CR2: variants seen among roughly 807,000 people sequenced by gnomAD.
CR2 encodes complement C3d receptor 2.
In CR2, 96 loss-of-function variants were observed where a neutral mutation model predicts 123.0. The observed-to-expected ratio is 0.78, with a 90% CI of 0.66 to 0.93. The LOEUF (loss-of-function observed/expected upper bound fraction) is 0.93, where lower values mean the gene tolerates loss of function less well. Among genes scored for constraint, CR2 ranks in the 40% least tolerant of loss-of-function variants. CR2 has a pLI of 0.00. For missense variants in CR2, 1,258 were observed against 1,361.0 expected (o/e 0.92, Z 1.19); for synonymous variants, 484 against 469.5 (o/e 1.03, Z -0.40).
Position 207,476,089 on chromosome 1 carries a change from G to C in CR2, c.2717-145G>C, listed in dbSNP as rs143926411. On this transcript the variant is annotated intron_variant, in intron 14 of 19. Transcript: ENST00000367057. Reference sequence around the variant, plus strand: ...TGCAGATCTCCATCCAGTGTTGCTGGTCTGGGTGGAATGAATGAATGTTTT... The same window carrying C: ...TGCAGATCTCCATCCAGTGTTGCTGCTCTGGGTGGAATGAATGAATGTTTT... 1.6e-3 allele frequency: 1,200 copies of C among 742,290 alleles called. 9 individuals carry two copies. The African/African-American group carries it at 0.018, about 11-fold the overall frequency. 46.0% of individuals were successfully genotyped at this position (742,290 alleles called of 1,614,324 possible).
chr1:207,468,959 A>T (rs1337928998), intron 4 of CR2, 60 bp downstream of exon 4: 1 of 1,567,248 alleles, frequency 6.4e-7, no homozygotes, highest in African/African-American at 1.3e-5. Flanking sequence ...CGTGGTGTGG[A>T]CTGTGAAACC....
chr1:207,473,227 CTTGT>C, intron 10 of CR2, 48 bp downstream of exon 10: 2 of 1,602,068 alleles, frequency 1.2e-6, no homozygotes, highest in Non-Finnish European at 1.7e-6. Flanking sequence ...CTTAATTATT[CTTGT>C]TTATTATCTC....
intron 2 of CR2, among the ~76,000 whole-genome samples, chr1:207,467,280 AAAT>A (rs1658128982): frequency 6.6e-6 from 1 of 152,016 alleles, no homozygotes; most frequent in Non-Finnish European, 1.5e-5. Flanking sequence ...CTTATAGCAA[AAAT>A]ACACCCAATG....
intron 1 of CR2, among the ~76,000 whole-genome samples, chr1:207,465,663 T>A (rs1327155704): frequency 1.3e-5 from 2 of 152,238 alleles, no homozygotes; most frequent in African/African-American, 2.4e-5. Flanking sequence ...AGACCTCCTC[T>A]TGGAGCCAAA....
chr1:207,468,587 A>C lies in CR2; in HGVS notation c.506A>C (p.Asn169Thr). 2 of 1,614,052 alleles carry C rather than the reference A, an allele frequency of 1.2e-6. No homozygotes were observed. The highest frequency in any genetic ancestry group is 1.7e-6 in the Non-Finnish European group (2 of 1,179,964). ...CACAATGGACATCACACAAGTGAGAATGTTGGCTCCATTGCTCCAGGATTG... is the reference window on the plus strand; with the variant it reads ...CACAATGGACATCACACAAGTGAGACTGTTGGCTCCATTGCTCCAGGATTG... ...MIHNGHHTSE[N>T]VGSIAPGLSV... is the part of the protein sequence containing the mutation. The change falls in exon 3 of 20, where the codon AAT becomes ACT. Residue 169 changes from asparagine to threonine, a missense_variant. By Grantham distance (65) the Asn-to-Thr change is moderately conservative. Transcript: ENST00000367057.
At chr1:207,487,859 T>C (rs1658791323) in intron 19 of CR2, among the ~76,000 whole-genome samples, 2 of 152,092 alleles carry the variant, frequency 1.3e-5, no homozygotes, top group Admixed American at 1.3e-4. Flanking sequence ...TGAAGGCAGG[T>C]TGGGAGCTGT....
Position 207,473,663 on chromosome 1 carries a change from C to G in CR2, c.2097C>G (p.Asn699Lys), listed in dbSNP as rs867287660. The G allele has an allele frequency of 6.2e-7, 1 of 1,614,022 alleles. No individual in the cohort carries two copies. Among genetic ancestry groups the G allele is most frequent in the South Asian group, 1.1e-5 (1 of 91,084 alleles). ...TCDPGYLLVG[N>K]KSIHCMPSGN... ...ACCCTGGCTATTTGCTTGTGGGAAACAAATCCATTCACTGTATGCCTTCAG... is the reference window on the plus strand; with the variant it reads ...ACCCTGGCTATTTGCTTGTGGGAAAGAAATCCATTCACTGTATGCCTTCAG... The change falls in exon 11 of 20, where the codon AAC becomes AAG. Residue 699 changes from asparagine (N) to lysine (K), a missense_variant. Physicochemically the swap from Asn to Lys is moderately conservative, Grantham distance 94. Coordinates refer to ENST00000367057, the MANE Select transcript of CR2 (RefSeq NM_001006658.3).
chr1:207,474,699 C>T, intron 13 of CR2, 125 bp from the exon 14 acceptor site: 1 of 1,104,568 alleles, frequency 9.1e-7, no homozygotes, highest in Non-Finnish European at 1.4e-6. Context: ...ATCCATATTC[C>T]AAAATTTAAG....
rs1313015820 is a variant in CR2, at chr1:207,473,292, C to T, written c.1978+113C>T. 16 of 1,290,134 alleles carry T rather than the reference C, an allele frequency of 1.2e-5. No homozygotes were observed. The East Asian group carries it at 3.9e-4, about 32-fold the overall frequency. The allele number at this position is 1,290,134 out of a possible 1,614,324, so 79.9% of individuals were successfully genotyped here. A position where few individuals can be genotyped will look rare whatever the true frequency, so the allele number is the denominator to read the frequency against. On this transcript the variant is annotated intron_variant, in intron 10 of 19. Transcript: ENST00000367057. ...AGGCAAGAGGGGCACAGATTACTTT[C>T]TGTTTCTTCCATCCTATAATAGATG... is the stretch of plus-strand genomic sequence containing the variant.
intron 16 of CR2, among the ~76,000 whole-genome samples, chr1:207,478,603 T>C (rs1658513916): frequency 6.6e-6 from 1 of 150,530 alleles, no homozygotes; most frequent in African/African-American, 2.4e-5. Flanking sequence ...AAACACAACT[T>C]TCTTAGGATG....
chr1:207,486,420 G>T (rs1356020958), intron 19 of CR2, among the ~76,000 whole-genome samples: 1 of 152,108 alleles, frequency 6.6e-6, no homozygotes, highest in African/African-American at 2.4e-5. Flanking sequence ...ATGTGGGCGA[G>T]AGGATGATCG....
intron 8 of CR2, 44 bp downstream of exon 8, chr1:207,471,131 G>C: frequency 6.4e-7 from 1 of 1,558,342 alleles, no homozygotes; most frequent in South Asian, 1.1e-5. Context: ...CGGTGTATCA[G>C]CACACACTGC....
chr1:207,468,859 C>G lies in CR2; in HGVS notation c.694C>G (p.Leu232Val). ...PNGKVKEPPI[L>V]RVGVTANFFC... ...TGGGAAGGTAAAGGAGCCTCCAATTCTCCGGGTTGGTGTAACTGCAAACTT... is the reference window on the plus strand; with the variant it reads ...TGGGAAGGTAAAGGAGCCTCCAATTGTCCGGGTTGGTGTAACTGCAAACTT... The change falls in exon 4 of 20, where the codon CTC (leucine) becomes GTC (valine). Residue 232 changes from leucine (L) to valine (V), a missense_variant. Leu to Val is a conservative substitution (Grantham distance 32). Coordinates refer to ENST00000367057, the MANE Select transcript of CR2 (RefSeq NM_001006658.3). The G allele has an allele frequency of 6.2e-7, 1 of 1,614,000 alleles. No individual in the cohort carries two copies.
chr1:207,454,821 GCGCTACCGCT>G lies in CR2; in HGVS notation c.58+349_58+358del, dbSNP rs1657794096. ...CTCATCGCTCTCTGGCCGGCGGTCA[GCGCTACCGCT>G]CGCCACGGGAAACCTACCCACTGCA... On this transcript the variant is annotated intron_variant, in intron 1 of 19. Transcript: ENST00000367057. The surrounding 1 kb of genome is among the most constrained non-coding windows in gnomAD (Gnocchi z 4.3). 3.7e-6 allele frequency: 1 copy of G among 272,242 alleles called. No homozygotes were observed. The highest frequency in any genetic ancestry group is 7.0e-6 in the Non-Finnish European group (1 of 143,144). The allele number at this position is 272,242 out of a possible 1,614,324, so 16.9% of individuals were successfully genotyped here. A position where few individuals can be genotyped will look rare whatever the true frequency, so the allele number is the denominator to read the frequency against.
At chr1:207,472,401 A>C in intron 9 of CR2, among the ~76,000 whole-genome samples, 1 of 152,220 alleles carries the variant, frequency 6.6e-6, no homozygotes. Context: ...TCAGCTAGCC[A>C]TATAAACCAT....
In CR2 at chr1:207,470,008, T is replaced by C. The variant is rs757739329; in HGVS notation, c.1131T>C (p.Phe377=). ...ATACCTATAACGACACTGTGATATT[T>C]GCTTGCATGTTTGGCTTCACCTTGA... The part of the protein sequence containing the change: ...DRYTYNDTVI[F]ACMFGFTLKG... Residue 377 remains phenylalanine (F), a synonymous_variant, in exon 6 of 20, where the codon TTT becomes TTC. Transcript: ENST00000367057. 6.2e-7 allele frequency: 1 copy of C among 1,614,022 alleles called. No individual in the cohort carries two copies. Among genetic ancestry groups the C allele is most frequent in the Non-Finnish European group, 8.5e-7 (1 of 1,179,918 alleles).
intron 1 of CR2, among the ~76,000 whole-genome samples, chr1:207,463,718 AT>A (rs1658021051): frequency 6.6e-6 from 1 of 151,962 alleles, no homozygotes; most frequent in Non-Finnish European, 1.5e-5. Flanking sequence ...GTGCCGCGAG[AT>A]TTCTTATCTC....
At chr1:207,485,653 G>C in intron 19 of CR2, 81 bp downstream of exon 19, 1 of 800,684 alleles carries the variant, frequency 1.2e-6, no homozygotes, top group Non-Finnish European at 2.2e-6. Context: ...TAGCATTCAC[G>C]GTGTATATAC....
At chr1:207,477,850 A>G in intron 15 of CR2, 35 bp from the exon 16 acceptor site, 1 of 1,605,974 alleles carries the variant, frequency 6.2e-7, no homozygotes, top group South Asian at 1.1e-5. Context: ...AGGCCAAAAT[A>G]TGACTGTGCT....
Sources: allele counts gnomAD v4.1 joint callset (sites outside exome capture counted in the v4.1 genomes callset), GRCh38; gene constraint gnomAD v4.1.1; non-coding constraint Gnocchi (gnomAD v3.1); transcripts MANE v1.5; gene names NCBI Gene and HGNC (gene_info 2026-07-23, HGNC 2026-07-21).